Variants in TEK observed in about 807,000 individuals in gnomAD.
TEK encodes TEK receptor tyrosine kinase, also known as angiopoietin-1 receptor.
TEK carries 43 observed loss-of-function variants against 131.8 expected under a neutral mutation model. The observed-to-expected ratio is 0.33, with a 90% CI of 0.26 to 0.42. TEK has a LOEUF of 0.42. TEK is among the 10% of genes least tolerant of loss of function. TEK has a pLI of 1.00. For missense variants in TEK, 1,162 were observed against 1,384.4 expected (o/e 0.84, Z 2.55); for synonymous variants, 580 against 491.6 (o/e 1.18, Z -2.38).
intron 1 of TEK, among the ~76,000 whole-genome samples, chr9:27,128,480 G>A (rs1187645256): frequency 1.3e-5 from 2 of 152,112 alleles, no homozygotes; most frequent in South Asian, 2.1e-4. Flanking sequence ...GGTTCCATAT[G>A]AAATTTAAAG....
At chr9:27,137,583 G>A (rs1048224308) in intron 1 of TEK, among the ~76,000 whole-genome samples, 37 of 152,064 alleles carry the variant, frequency 2.4e-4, no homozygotes, top group Admixed American at 8.5e-4. Context: ...TTCAACTTTA[G>A]GAATTTATAT....
At chr9:27,111,391 A>C (rs7390786) in intron 1 of TEK, among the ~76,000 whole-genome samples, 143,307 of 152,256 alleles carry the variant, frequency 0.94, 67,981 homozygotes, top group East Asian at 1. Context: ...CCAGCTAGAT[A>C]ATGTCCACAG....
At chr9:27,172,828 G>A in intron 5 of TEK, 81 bp downstream of exon 5, 1 of 1,573,826 alleles carries the variant, frequency 6.4e-7, no homozygotes, top group East Asian at 2.3e-5. Flanking sequence ...TCTCGACACA[G>A]ATGGGAATGG....
chr9:27,207,524 GATA>G (rs1412085909), intron 15 of TEK, among the ~76,000 whole-genome samples: 5 of 152,116 alleles, frequency 3.3e-5, no homozygotes, highest in African/African-American at 1.2e-4. Flanking sequence ...AATAATATTT[GATA>G]ATATCTTCAG....
At chr9:27,205,155 T>G in intron 14 of TEK, 90 bp downstream of exon 14, 1 of 1,516,638 alleles carries the variant, frequency 6.6e-7, no homozygotes, top group East Asian at 2.3e-5. Flanking sequence ...GAAATTTACT[T>G]ATAAAGTAAA....
intron 8 of TEK, among the ~76,000 whole-genome samples, chr9:27,184,258 G>A (rs1054625520): frequency 3.3e-5 from 5 of 152,114 alleles, no homozygotes; most frequent in African/African-American, 1.2e-4. Flanking sequence ...TTGTTTAAAA[G>A]GATCAAGCTA....
chr9:27,123,645 G>T lies in TEK; in HGVS notation c.52+14003G>T, dbSNP rs187187527. On this transcript the variant is annotated intron_variant, in intron 1 of 22. Coordinates refer to ENST00000380036, the MANE Select transcript of TEK (RefSeq NM_000459.5). ...CTTTTTTATTGTTTTTGAGTATCAC[G>T]TGGAGCTAATGTTCTATATTTTGAA... 4.6e-5 allele frequency among the ~76,000 whole-genome samples: 7 copies of T among 152,242 alleles called. No homozygotes were observed. The East Asian group carries it at 1.3e-3, about 29-fold the overall frequency.
Position 27,206,692 on chromosome 9 carries a change from A to T in TEK, c.2475A>T (p.Lys825Asn). 1 of 1,614,086 alleles carries T rather than the reference A, an allele frequency of 6.2e-7. No homozygotes were observed. The change falls in exon 15 of 23, where the codon AAA becomes AAT. Residue 825 changes from lysine (K) to asparagine (N), a missense_variant. This residue lies in a region of TEK where 477 missense variants were observed against 471.0 expected (regional missense o/e 1.01). Transcript: ENST00000380036. ...IYPVLDWNDI[K>N]FQDVIGEGNF... ...CAGTGCTTGACTGGAATGACATCAA[A>T]TTTCAAGATGTGATTGGGGAGGGCA...
intron 2 of TEK, among the ~76,000 whole-genome samples, chr9:27,158,680 G>T (rs1300477962): frequency 6.7e-6 from 1 of 149,326 alleles, no homozygotes; most frequent in Non-Finnish European, 1.5e-5. Flanking sequence ...TTTTTTGGGG[G>T]GGTGGAGTCT....
chr9:27,120,439 G>A (rs1271337935), intron 1 of TEK, among the ~76,000 whole-genome samples: 1 of 152,238 alleles, frequency 6.6e-6, no homozygotes, highest in African/African-American at 2.4e-5. Flanking sequence ...TTAGCCTGAG[G>A]CGAAAACATG....
intron 16 of TEK, among the ~76,000 whole-genome samples, chr9:27,210,788 T>C (rs911310638): frequency 6.6e-6 from 1 of 152,198 alleles, no homozygotes; most frequent in Non-Finnish European, 1.5e-5. Context: ...CTTAAAATTT[T>C]GCTTCGTCAT....
chr9:27,173,993 T>C (rs374760051), intron 6 of TEK, among the ~76,000 whole-genome samples: 28 of 151,912 alleles, frequency 1.8e-4, no homozygotes, highest in African/African-American at 6.8e-4. Context: ...GGCTCAAAAA[T>C]TGAAGAAGTT....
At position 27,205,437 on chromosome 9, in the gene TEK, G is replaced by A. The variant is rs2105018; in HGVS notation, c.2364+372G>A. On this transcript the variant is annotated intron_variant, in intron 14 of 22. Transcript: ENST00000380036. ...GGACAGAGGGTAACCAGACCTCAGT[G>A]AGATAGGTAATGACGTAATATATTA... 2.0e-5 allele frequency among the ~76,000 whole-genome samples: 3 copies of A among 152,322 alleles called. No homozygotes were observed. In the South Asian group the frequency reaches 6.2e-4, roughly 32 times the overall value.
In TEK at chr9:27,158,085, G is replaced by T; in HGVS notation, c.307G>T (p.Glu103Ter). 6.2e-7 allele frequency: 1 copy of T among 1,614,150 alleles called. No homozygotes were observed. The highest frequency in any genetic ancestry group is 8.5e-7 in the Non-Finnish European group (1 of 1,180,020). The change falls in exon 2 of 23, where the codon GAA becomes TAA. Residue 103 changes from glutamate to a stop codon, truncating the protein, a stop_gained. Transcript: ENST00000380036. LOFTEE classifies it high-confidence loss of function. ...ASKINGAYFCEGRVRGEAIRI... is the reference protein window; with the variant it reads ...ASKINGAYFC ...TAAGATCAATGGTGCTTATTTCTGT[G>T]AAGGGCGAGTTCGAGGAGAGGCAAT... is the stretch of plus-strand genomic sequence containing the variant.
At chr9:27,112,891 C>G (rs981992380) in intron 1 of TEK, among the ~76,000 whole-genome samples, 11 of 152,220 alleles carry the variant, frequency 7.2e-5, no homozygotes, top group Non-Finnish European at 1.5e-4. Context: ...GTTGAAAGTT[C>G]TTGTGAATGA....
chr9:27,189,485 G>A (rs1390364925), intron 9 of TEK, among the ~76,000 whole-genome samples: 1 of 152,142 alleles, frequency 6.6e-6, no homozygotes, highest in African/African-American at 2.4e-5. Context: ...TGTTTCTGGG[G>A]CGCTGTCATC....
At chr9:27,141,921 A>G (rs1309592235) in intron 1 of TEK, among the ~76,000 whole-genome samples, 1 of 152,154 alleles carries the variant, frequency 6.6e-6, no homozygotes, top group Non-Finnish European at 1.5e-5. Context: ...ATTTTTTTGA[A>G]TTGTGCAAAG....
At chr9:27,118,056 C>A (rs1821637970) in intron 1 of TEK, among the ~76,000 whole-genome samples, 1 of 152,146 alleles carries the variant, frequency 6.6e-6, no homozygotes, top group Non-Finnish European at 1.5e-5. Context: ...TGCAAGGCGT[C>A]TGGCTGCAGA....
rs201720070 is a variant in TEK at position 27,218,750 on chromosome 9, T to A, written c.3063-27T>A. The A allele has an allele frequency of 6.6e-5, 107 of 1,613,890 alleles. No individual in the cohort carries two copies. The African/African-American group carries it at 1.4e-3, about 21-fold the overall frequency. On this transcript the variant is annotated intron_variant, in intron 19 of 22. Coordinates refer to ENST00000380036, the MANE Select transcript of TEK (RefSeq NM_000459.5). ...GAGCGGTGACTCTGTTTGCTGATTG[T>A]TGGTTTCACACTTGTCCCTCCTGCA...
Sources: gnomAD v4.1 joint callset for allele counts (sites outside exome capture counted in the v4.1 genomes callset) on GRCh38, gnomAD v4.1.1 for gene constraint, gnomAD v4.1.1 regional missense constraint, MANE v1.5 for transcripts, NCBI Gene and HGNC (gene_info 2026-07-23, HGNC 2026-07-21) for gene names.